Variants in EOMES observed in about 807,000 individuals in gnomAD.
EOMES encodes eomesodermin homolog.
Under a neutral mutation model 61.0 loss-of-function variants are expected in EOMES, and 18 were observed. That is an observed-to-expected ratio of 0.30 (90% confidence interval 0.20 to 0.44). The LOEUF (loss-of-function observed/expected upper bound fraction) is 0.44. EOMES is among the 20% of genes least tolerant of loss of function. EOMES has a pLI of 1.00. For missense variants in EOMES, 885 were observed against 939.2 expected, an observed-to-expected ratio of 0.94 and a Z score of 0.75; for synonymous variants, 430 against 394.0, an observed-to-expected ratio of 1.09 and a Z score of -1.08.
Position 27,716,719 on chromosome 3 carries a change from A to ATTTCT in EOMES, c.*350_*351insAGAAA. ...TTAAGAATTTACAAATAGAAATGAGAATCAAAGGTTTTAACTCATCTGATA... is the reference window on the plus strand; with the variant it reads ...TTAAGAATTTACAAATAGAAATGAGATTTCTATCAAAGGTTTTAACTCATCTGATA... On this transcript the variant is annotated 3_prime_UTR_variant, in exon 6 of 6. Coordinates refer to ENST00000449599, the MANE Select transcript of EOMES (RefSeq NM_001278182.2). 1 of 198,142 alleles carries ATTTCT rather than the reference A, an allele frequency of 5.0e-6. No individual in the cohort carries two copies. Among genetic ancestry groups the ATTTCT allele is most frequent in the Admixed American group, 5.3e-5 (1 of 18,790 alleles). 12.3% of individuals were successfully genotyped at this position (198,142 alleles called of 1,614,324 possible). A position where few individuals can be genotyped will look rare whatever the true frequency, so the allele number is the denominator to read the frequency against.
intron 2 of EOMES, 135 bp from the exon 3 acceptor site, chr3:27,719,616 C>A: frequency 2.6e-6 from 2 of 758,506 alleles, no homozygotes; most frequent in Non-Finnish European, 4.3e-6. Context: ...GTAAAAGTTG[C>A]TTAAAGAGGC....
rs1020508557 is a variant in EOMES at position 27,717,096 on chromosome 3, A to G, written c.2092T>C (p.Tyr698His). 5 of 1,612,146 alleles carry G rather than the reference A, an allele frequency of 3.1e-6. No homozygotes were observed. The highest frequency in any genetic ancestry group is 1.7e-5 in the Admixed American group (1 of 59,982). Residue 698 changes from tyrosine (Y) to histidine (H), a missense_variant, in exon 6 of 6, where the codon TAT (tyrosine) becomes CAT (histidine). Tyr to His is a moderately conservative substitution (Grantham distance 83, BLOSUM62 2). Transcript: ENST00000449599. This position sits in a 1 kb window ranked among gnomAD's most constrained non-coding sequence, Gnocchi z 4.5. ...TAGGGAGTTGTGTAAAAAGCATAAT[A>G]CCCTCCCATGCCTTTTGAGGTGTCT... The part of the protein sequence containing the change: ...SKDTSKGMGG[Y>H]YAFYTTP
At chr3:27,720,531 C>CA (rs757181277) in intron 1 of EOMES, among the ~76,000 whole-genome samples, 1,133 of 62,316 alleles carry the variant, frequency 0.018, 255 homozygotes, top group Middle Eastern at 0.036. Context: ...TCCGTCTTTT[C>CA]AAAAAAAAAA....
chr3:27,721,791 C>T lies in EOMES; in HGVS notation c.504G>A (p.Ala168=). The T allele has an allele frequency of 6.7e-7, 1 of 1,502,386 alleles. No homozygotes were observed. The allele number at this position is 1,502,386 out of a possible 1,614,324, so 93.1% of individuals were successfully genotyped here. Residue 168 remains alanine, a synonymous_variant, in exon 1 of 6, where the codon GCG becomes GCA. Transcript: ENST00000449599. This position sits in a 1 kb window ranked among gnomAD's most constrained non-coding sequence, Gnocchi z 7.4. ...ACACAGGTCCGTGGGGCGCCCCAGC[C>T]GCCGCCTGGTACGGGAAGAGTGAGC... ...APCSLFPYQA[A]AGAPHGPVYP...
intron 5 of EOMES, 28 bp downstream of exon 5, chr3:27,718,559 G>C: frequency 6.5e-7 from 1 of 1,533,960 alleles, no homozygotes; most frequent in Non-Finnish European, 9.0e-7. Flanking sequence ...GAGATGATCA[G>C]GCAAGTGTGG....
rs556128255 is a variant in EOMES, at chr3:27,718,491, A to G, written c.1379+96T>C. ...AAAAATATGTAAAAATCCCAAAGGTAAAAGCTCTTCCTAAAATACATTATC... is the reference window on the plus strand; with the variant it reads ...AAAAATATGTAAAAATCCCAAAGGTGAAAGCTCTTCCTAAAATACATTATC... On this transcript the variant is annotated intron_variant, in intron 5 of 5. Transcript: ENST00000449599. 1.1e-4 allele frequency: 93 copies of G among 850,594 alleles called. 1 individual carries two copies. In the South Asian group the frequency reaches 2.1e-3, roughly 19 times the overall value. 52.7% of individuals were successfully genotyped at this position (850,594 alleles called of 1,614,324 possible). A position where few individuals can be genotyped will look rare whatever the true frequency, so the allele number is the denominator to read the frequency against.
In EOMES at chr3:27,721,324, C is replaced by G; in HGVS notation, c.881+90G>C. 1 of 1,108,540 alleles carries G rather than the reference C, an allele frequency of 9.0e-7. No homozygotes were observed. The highest frequency in any genetic ancestry group is 2.6e-5 in the East Asian group (1 of 38,922). The allele number at this position is 1,108,540 out of a possible 1,614,324, so 68.7% of individuals were successfully genotyped here. Reference sequence around the variant, plus strand: ...ACACTCTAAGCACCGCGCGGAACAACTGGGTTCAGCTCCCTCATCCCGGAC... The same window carrying G: ...ACACTCTAAGCACCGCGCGGAACAAGTGGGTTCAGCTCCCTCATCCCGGAC... On this transcript the variant is annotated intron_variant, in intron 1 of 5. Coordinates refer to ENST00000449599, the MANE Select transcript of EOMES (RefSeq NM_001278182.2). This position sits in a 1 kb window ranked among gnomAD's most constrained non-coding sequence, Gnocchi z 7.4.
At chr3:27,719,763 A>G (rs1036247086) in intron 2 of EOMES, among the ~76,000 whole-genome samples, 6 of 152,184 alleles carry the variant, frequency 3.9e-5, no homozygotes, top group African/African-American at 1.2e-4. Flanking sequence ...TTGAAGGTCA[A>G]TTTGGGGCCT....
chr3:27,718,656 G>A lies in EOMES; in HGVS notation c.1318-8C>T, dbSNP rs1287375322. On this transcript the variant is annotated splice_region_variant and splice_polypyrimidine_tract_variant and intron_variant, in intron 4 of 5. Transcript: ENST00000449599. ...AATCTTTAGTTGAGTAATCTAGATA[G>A]GGGAGAAAAACAGTCATTGAGTGAT... is the stretch of plus-strand genomic sequence containing the variant. The A allele has an allele frequency of 1.2e-6, 2 of 1,613,032 alleles. No homozygotes were observed. Among genetic ancestry groups the A allele is most frequent in the Admixed American group, 1.7e-5 (1 of 60,000 alleles).
At chr3:27,719,511 C>A in intron 2 of EOMES, 30 bp from the exon 3 acceptor site, 1 of 1,608,836 alleles carries the variant, frequency 6.2e-7, no homozygotes, top group Admixed American at 1.7e-5. Context: ...AACACAAAAC[C>A]CAAGCATATA....
At chr3:27,719,857 A>G (rs1032387296) in intron 2 of EOMES, among the ~76,000 whole-genome samples, 1 of 152,146 alleles carries the variant, frequency 6.6e-6, no homozygotes, top group Non-Finnish European at 1.5e-5. Flanking sequence ...TTCTCAAGTG[A>G]ACATTAGAAT....
In EOMES at chr3:27,722,206, C is replaced by G; in HGVS notation, c.89G>C (p.Gly30Ala). 1 of 1,604,484 alleles carries G rather than the reference C, an allele frequency of 6.2e-7. No individual in the cohort carries two copies. The highest frequency in any genetic ancestry group is 8.5e-7 in the Non-Finnish European group (1 of 1,176,540). The change falls in exon 1 of 6, where the codon GGC (glycine) becomes GCC (alanine). Residue 30 changes from glycine (G) to alanine (A), a missense_variant. Gly to Ala is a moderately conservative substitution (Grantham distance 60, BLOSUM62 0). Around this residue, in one of 3 missense-constraint regions of EOMES, gnomAD observed 449 missense variants for 383.6 expected, o/e 1.17. Coordinates refer to ENST00000449599, the MANE Select transcript of EOMES (RefSeq NM_001278182.2). ...YPLESARGGSGGSAGHLPSAA... is the reference protein window; with the variant it reads ...YPLESARGGSAGSAGHLPSAA... ...GCTGGGGAGGTGGCCAGCGCTCCCG[C>G]CGCTGCCGCCTCGCGCACTCTCCAG...
Position 27,717,681 on chromosome 3 carries a change from A to G in EOMES, c.1507T>C (p.Leu503=), listed in dbSNP as rs1205815455. The G allele has an allele frequency of 1.2e-6, 2 of 1,613,848 alleles. No individual in the cohort carries two copies. The highest frequency in any genetic ancestry group is 2.7e-5 in the African/African-American group (2 of 74,826). The change falls in exon 6 of 6, where the codon TTA becomes CTA. Residue 503 remains leucine (L), a synonymous_variant. Transcript: ENST00000449599. This position sits in a 1 kb window ranked among gnomAD's most constrained non-coding sequence, Gnocchi z 4.5. The stretch of plus-strand genomic sequence containing the variant: ...CCATTATAATAGCGGGCTTGAGGTA[A>G]AGTGTTGACAAAGGGCTCCGGGAAG... ...SFFPEPFVNT[L]PQARYYNGER... is the part of the protein sequence containing the mutation.
At position 27,720,257 on chromosome 3, in the gene EOMES, A is replaced by G. The variant is rs1296009492; in HGVS notation, c.950T>C (p.Val317Ala). 2 of 1,613,708 alleles carry G rather than the reference A, an allele frequency of 1.2e-6. No individual in the cohort carries two copies. The highest frequency in any genetic ancestry group is 1.7e-5 in the Admixed American group (1 of 59,976). ...GTTGGGGTCCGCCAGCACCACCTCT[A>G]CGAACACATTGTAGTGGGCAGTGGG... ...LNPTAHYNVF[V>A]EVVLADPNHW... The change falls in exon 2 of 6, where the codon GTA (valine) becomes GCA (alanine). Residue 317 changes from valine (V) to alanine (A), a missense_variant. Val to Ala is a moderately conservative substitution (Grantham distance 64, BLOSUM62 0). This residue lies in a region of EOMES where 177 missense variants were observed against 273.3 expected (regional missense o/e 0.65). Coordinates refer to ENST00000449599, the MANE Select transcript of EOMES (RefSeq NM_001278182.2).
At chr3:27,719,564 T>C (rs2060594861) in intron 2 of EOMES, 83 bp from the exon 3 acceptor site, 1 of 1,285,766 alleles carries the variant, frequency 7.8e-7, no homozygotes, top group East Asian at 2.3e-5. Context: ...GTCTCTTAGC[T>C]ATGAGCAAGA....
Position 27,721,734 on chromosome 3 carries a change from G to T in EOMES, c.561C>A (p.Tyr187Ter). The change falls in exon 1 of 6, where the codon TAC becomes TAA. Residue 187 changes from tyrosine (Y) to a stop codon, truncating the protein, a stop_gained. Transcript: ENST00000449599. LOFTEE classifies it high-confidence loss of function. This position sits in a 1 kb window ranked among gnomAD's most constrained non-coding sequence, Gnocchi z 7.4. ...YPAPNGARYP[Y>*]GSMLPPGGFP... ...AGCCGCCGGGGGGCAGCATGGAGCC[G>T]TAGGGGTAGCGCGCCCCGTTAGGAG... 6.7e-7 allele frequency: 1 copy of T among 1,486,102 alleles called. No homozygotes were observed. The highest frequency in any genetic ancestry group is 8.9e-7 in the Non-Finnish European group (1 of 1,129,194). 92.1% of individuals were successfully genotyped at this position (1,486,102 alleles called of 1,614,324 possible).
chr3:27,719,597 G>T, intron 2 of EOMES, 116 bp from the exon 3 acceptor site: 1 of 943,134 alleles, frequency 1.1e-6, no homozygotes, highest in Non-Finnish European at 1.6e-6. Context: ...ACTTACAGTT[G>T]GTCTCCCAGT....
In EOMES at chr3:27,721,744, C is replaced by T; in HGVS notation, c.551G>A (p.Arg184His). The change falls in exon 1 of 6, where the codon CGC becomes CAC. Residue 184 changes from arginine to histidine, a missense_variant. Arg to His is a conservative substitution (Grantham distance 29, BLOSUM62 0). Coordinates refer to ENST00000449599, the MANE Select transcript of EOMES (RefSeq NM_001278182.2). This position sits in a 1 kb window ranked among gnomAD's most constrained non-coding sequence, Gnocchi z 7.4. ...GGGCAGCATGGAGCCGTAGGGGTAG[C>T]GCGCCCCGTTAGGAGCCGGGTACAC... ...GPVYPAPNGARYPYGSMLPPG... is the reference protein window; with the variant it reads ...GPVYPAPNGAHYPYGSMLPPG... 2.0e-6 allele frequency: 3 copies of T among 1,485,524 alleles called. No homozygotes were observed. Among genetic ancestry groups the T allele is most frequent in the Non-Finnish European group, 2.7e-6 (3 of 1,129,340 alleles). The allele number at this position is 1,485,524 out of a possible 1,614,324, so 92.0% of individuals were successfully genotyped here.
Position 27,721,752 on chromosome 3 carries a change from G to A in EOMES, c.543C>T (p.Asn181=), listed in dbSNP as rs759399610. The A allele has an allele frequency of 5.4e-6, 8 of 1,489,526 alleles. No individual in the cohort carries two copies. Among genetic ancestry groups the A allele is most frequent in the Non-Finnish European group, 7.1e-6 (8 of 1,131,458 alleles). The allele number at this position is 1,489,526 out of a possible 1,614,324, so 92.3% of individuals were successfully genotyped here. ...TGGAGCCGTAGGGGTAGCGCGCCCC[G>A]TTAGGAGCCGGGTACACAGGTCCGT... ...APHGPVYPAP[N]GARYPYGSML... Residue 181 remains asparagine, a synonymous_variant, in exon 1 of 6, where the codon AAC becomes AAT. Transcript: ENST00000449599. The surrounding 1 kb of genome is among the most constrained non-coding windows in gnomAD (Gnocchi z 7.4).
Sources: allele counts gnomAD v4.1 joint callset (sites outside exome capture counted in the v4.1 genomes callset), GRCh38; gene constraint gnomAD v4.1.1; regional missense constraint gnomAD v4.1.1; non-coding constraint Gnocchi (gnomAD v3.1); transcripts MANE v1.5; gene names NCBI Gene and HGNC (gene_info 2026-07-23, HGNC 2026-07-21).